The following TENM2 variants were observed in gnomAD, a reference collection of about 807,000 sequenced individuals.
TENM2 encodes the protein teneurin-2.
A neutral mutation model predicts 245.2 loss-of-function variants in TENM2; 52 were observed. The observed-to-expected ratio is 0.21, with a 90% CI of 0.17 to 0.27. TENM2 has a LOEUF of 0.27. Among genes scored for constraint, TENM2 ranks in the 10% least tolerant of loss-of-function variants. The pLI is 1.00. For missense variants in TENM2, 3,046 were observed against 3,666.8 expected, an observed-to-expected ratio of 0.83 and a Z score of 4.37; for synonymous variants, 1,363 against 1,438.9, an observed-to-expected ratio of 0.95 and a Z score of 1.19.
At position 168,044,558 on chromosome 5, in the gene TENM2, A is replaced by T. The variant is rs1164303237; in HGVS notation, c.1187-2869A>T. 2.0e-5 allele frequency among the ~76,000 whole-genome samples: 3 copies of T among 151,470 alleles called. No individual in the cohort carries two copies. In the East Asian group the frequency reaches 5.9e-4, roughly 30 times the overall value. ...AACATCCTACAATCCAACCCCCCAA[A>T]TCTGCCCCCCGTGTATCATTATCTA... On this transcript the variant is annotated intron_variant, in intron 5 of 28. Transcript: ENST00000518659.
At chr5:167,503,107 A>C (rs1769314626) in intron 2 of TENM2, among the ~76,000 whole-genome samples, 1 of 152,140 alleles carries the variant, frequency 6.6e-6, no homozygotes, top group Non-Finnish European at 1.5e-5. Flanking sequence ...GATTACGGGC[A>C]TGAGCCACCA....
At chr5:167,510,133 T>G (rs891584564) in intron 2 of TENM2, among the ~76,000 whole-genome samples, 1 of 152,214 alleles carries the variant, frequency 6.6e-6, no homozygotes, top group Non-Finnish European at 1.5e-5. Context: ...TTCAATTGAA[T>G]TTGACTGATG....
chr5:167,197,910 T>G, the TENM2 span, among the ~76,000 whole-genome samples: 3 of 150,698 alleles, frequency 2.0e-5, no homozygotes, highest in South Asian at 2.1e-4. Context: ...TATACACATA[T>G]AGAGAGAGAG....
chr5:167,390,073 CT>C (rs1761665097), intron 2 of TENM2, among the ~76,000 whole-genome samples: 1 of 152,120 alleles, frequency 6.6e-6, no homozygotes, highest in Non-Finnish European at 1.5e-5. Flanking sequence ...TATACAAATG[CT>C]TAAAAAGTGT....
chr5:167,877,191 A>T (rs1362544251), intron 3 of TENM2, among the ~76,000 whole-genome samples: 1 of 152,116 alleles, frequency 6.6e-6, no homozygotes, highest in Non-Finnish European at 1.5e-5. Context: ...CCATGCCGAG[A>T]GTGGGTCTTG....
At chr5:167,872,469 A>AGCAC (rs1491544116) in intron 2 of TENM2, among the ~76,000 whole-genome samples, 5 of 123,500 alleles carry the variant, frequency 4.0e-5, no homozygotes, top group Admixed American at 9.4e-5. Context: ...CACGAAAGAA[A>AGCAC]GAAAGAAAGA....
At chr5:167,391,785 T>C (rs1176671175) in intron 2 of TENM2, among the ~76,000 whole-genome samples, 1 of 152,120 alleles carries the variant, frequency 6.6e-6, no homozygotes, top group Non-Finnish European at 1.5e-5. Context: ...AAAGGCAATG[T>C]GGATAATTGT....
At chr5:167,264,493 T>C in the TENM2 span, among the ~76,000 whole-genome samples, 1 of 152,306 alleles carries the variant, frequency 6.6e-6, no homozygotes, top group African/African-American at 2.4e-5. Context: ...GCAGCGTGTG[T>C]TTTGTTCCTA....
intron 2 of TENM2, among the ~76,000 whole-genome samples, chr5:167,694,692 A>G (rs960608568): frequency 6.2e-4 from 94 of 151,980 alleles, no homozygotes; most frequent in African/African-American, 2.2e-3. Context: ...CCTTTTGAGA[A>G]TCGGGCCCCA....
At chr5:167,987,582 A>G (rs1783343186) in intron 4 of TENM2, among the ~76,000 whole-genome samples, 2 of 151,976 alleles carry the variant, frequency 1.3e-5, no homozygotes. Context: ...CGGCCTCCCA[A>G]AGTCCTGGGA....
intron 2 of TENM2, among the ~76,000 whole-genome samples, chr5:167,789,137 T>TA (rs1000953907): frequency 1.1e-4 from 17 of 152,280 alleles, no homozygotes; most frequent in Non-Finnish European, 2.4e-4. Flanking sequence ...AAGGTATCAA[T>TA]AAAAAAACTA....
At chr5:168,088,614 C>T (rs1195557616) in intron 7 of TENM2, among the ~76,000 whole-genome samples, 1 of 152,160 alleles carries the variant, frequency 6.6e-6, no homozygotes, top group East Asian at 1.9e-4. Context: ...CCTGGCCCTG[C>T]CCTAAGCATT....
chr5:167,419,895 C>A (rs1212070206), intron 2 of TENM2, among the ~76,000 whole-genome samples: 1 of 152,166 alleles, frequency 6.6e-6, no homozygotes, highest in Non-Finnish European at 1.5e-5. Flanking sequence ...TGAGCAAGTT[C>A]TACCAATATA....
At chr5:167,444,506 C>A (rs1172787039) in intron 2 of TENM2, among the ~76,000 whole-genome samples, 1 of 152,068 alleles carries the variant, frequency 6.6e-6, no homozygotes. Context: ...CAGAAATAAT[C>A]ACACCTGAAA....
intron 2 of TENM2, among the ~76,000 whole-genome samples, chr5:167,474,575 G>A (rs989195510): frequency 6.6e-6 from 1 of 151,586 alleles, no homozygotes; most frequent in East Asian, 1.9e-4. Flanking sequence ...GTGCAGTGGC[G>A]TGATCATGGC....
chr5:167,551,603 T>C (rs954914824), intron 2 of TENM2, among the ~76,000 whole-genome samples: 2 of 152,036 alleles, frequency 1.3e-5, no homozygotes, highest in South Asian at 2.1e-4. Flanking sequence ...TACACACACA[T>C]ACATACATAC....
At chr5:167,618,648 T>G (rs746333641) in intron 2 of TENM2, among the ~76,000 whole-genome samples, 3 of 152,156 alleles carry the variant, frequency 2.0e-5, no homozygotes, top group Non-Finnish European at 4.4e-5. Context: ...GCAGAATAGT[T>G]GTCCCAGCCA....
chr5:167,451,589 T>A (rs1765585529), intron 2 of TENM2, among the ~76,000 whole-genome samples: 1 of 152,132 alleles, frequency 6.6e-6, no homozygotes, highest in Non-Finnish European at 1.5e-5. Flanking sequence ...GTCCGAGACC[T>A]CTGGGATGAC....
rs148202184 is a variant in TENM2, at chr5:167,501,470, T to G, written c.502+125997T>G. ...ACCCTTTCATGCTTTGGTGACTTGTTTATGTTGATTGTAATGTTGGCAGAG... is the reference window on the plus strand; with the variant it reads ...ACCCTTTCATGCTTTGGTGACTTGTGTATGTTGATTGTAATGTTGGCAGAG... On this transcript the variant is annotated intron_variant, in intron 2 of 28. Coordinates refer to ENST00000518659, the Ensembl canonical transcript of TENM2. 3.3e-4 allele frequency among the ~76,000 whole-genome samples: 51 copies of G among 152,314 alleles called. No homozygotes were observed. The East Asian group carries it at 8.5e-3, about 25-fold the overall frequency.
Sources: gnomAD v4.1 joint callset for allele counts (sites outside exome capture counted in the v4.1 genomes callset) on GRCh38, gnomAD v4.1.1 for gene constraint, MANE v1.5 for transcripts, NCBI Gene and HGNC (gene_info 2026-07-23, HGNC 2026-07-21) for gene names.